Variants in SERPINB7 observed in about 807,000 individuals in gnomAD.
The protein encoded by SERPINB7 is serpin family B member 7, also known as serpin B7.
A neutral mutation model predicts 37.4 loss-of-function variants in SERPINB7; 31 were observed. The observed-to-expected ratio is 0.83, with a 90% confidence interval of 0.62 to 1.12. The LOEUF (loss-of-function observed/expected upper bound fraction) is 1.12. Ranked by LOEUF, SERPINB7 falls within the 50% of genes most tolerant of loss-of-function variation. SERPINB7 has a pLI of 0.00. For missense variants in SERPINB7, 521 were observed against 455.3 expected, an observed-to-expected ratio of 1.14 and a Z score of -1.31; for synonymous variants, 163 against 166.1, an observed-to-expected ratio of 0.98 and a Z score of 0.14.
intron 2 of SERPINB7, among the ~76,000 whole-genome samples, chr18:63,785,314 T>C (rs981077215): frequency 6.6e-6 from 1 of 152,220 alleles, no homozygotes; most frequent in Admixed American, 6.5e-5. Flanking sequence ...TCCATCTGTG[T>C]GTCTCTTTTA....
At chr18:63,765,954 A>G (rs2049178532) in intron 1 of SERPINB7, among the ~76,000 whole-genome samples, 1 of 152,142 alleles carries the variant, frequency 6.6e-6, no homozygotes, top group African/African-American at 2.4e-5. Flanking sequence ...TAGTGGCTCA[A>G]GGCTATCAGG....
In SERPINB7 at chr18:63,804,779, C is replaced by A; in HGVS notation, c.*144C>A. 2.6e-6 allele frequency: 2 copies of A among 781,836 alleles called. No individual in the cohort carries two copies. The highest frequency in any genetic ancestry group is 4.0e-6 in the Non-Finnish European group (2 of 500,610). 48.4% of individuals were successfully genotyped at this position (781,836 alleles called of 1,614,324 possible). On this transcript the variant is annotated 3_prime_UTR_variant, in exon 8 of 8. Transcript: ENST00000398019. The stretch of plus-strand genomic sequence containing the variant: ...ATTGGTCAGCAGATGACACTGGTGA[C>A]TTGACCCTTCCTAGACACCTGGTTG...
intron 4 of SERPINB7, among the ~76,000 whole-genome samples, chr18:63,794,266 T>C (rs556282626): frequency 6.6e-6 from 1 of 151,166 alleles, no homozygotes; most frequent in South Asian, 2.1e-4. Flanking sequence ...CTGGCCTGAG[T>C]TTCTTGGAAG....
intron 7 of SERPINB7, among the ~76,000 whole-genome samples, chr18:63,803,171 T>C (rs2049567970): frequency 6.6e-6 from 1 of 152,086 alleles, no homozygotes. Flanking sequence ...CTACATACTA[T>C]ACAATCTTAA....
intron 5 of SERPINB7, among the ~76,000 whole-genome samples, chr18:63,798,281 G>A (rs1297143292): frequency 6.6e-6 from 1 of 152,114 alleles, no homozygotes; most frequent in Non-Finnish European, 1.5e-5. Context: ...AGGGACCCTG[G>A]GGTTGTCTCC....
upstream of SERPINB7, among the ~76,000 whole-genome samples, chr18:63,772,078 C>T (rs1354688705): frequency 2.0e-5 from 3 of 151,614 alleles, no homozygotes; most frequent in East Asian, 1.9e-4. Flanking sequence ...AGGTAATAAG[C>T]GTACACTTGA....
At chr18:63,765,157 CT>C (rs1230452278) in intron 1 of SERPINB7, among the ~76,000 whole-genome samples, 2 of 152,132 alleles carry the variant, frequency 1.3e-5, no homozygotes, top group African/African-American at 4.8e-5. Context: ...GCACCTCAAA[CT>C]TAAGTCCCCA....
chr18:63,773,073 T>C (rs984858745), upstream of SERPINB7, among the ~76,000 whole-genome samples: 1 of 152,068 alleles, frequency 6.6e-6, no homozygotes, highest in Non-Finnish European at 1.5e-5. Context: ...TGAATTCCTT[T>C]GTGTCCTGCC....
intron 1 of SERPINB7, among the ~76,000 whole-genome samples, chr18:63,776,612 G>A (rs552083416): frequency 1.1e-4 from 16 of 149,804 alleles, no homozygotes; most frequent in Non-Finnish European, 2.1e-4. Context: ...CCATGTCCTG[G>A]TATGAAGCAT....
At position 63,792,422 on chromosome 18, in the gene SERPINB7, T is replaced by A; in HGVS notation, c.198T>A (p.Tyr66Ter). The A allele has an allele frequency of 6.2e-7, 1 of 1,603,820 alleles. No homozygotes were observed. Among genetic ancestry groups the A allele is most frequent in the Non-Finnish European group, 8.5e-7 (1 of 1,170,746 alleles). The change falls in exon 3 of 8, where the codon TAT becomes TAA. Residue 66 changes from tyrosine (Y) to a stop codon, truncating the protein, a stop_gained. Transcript: ENST00000398019. LOFTEE classifies it high-confidence loss of function. The stretch of plus-strand genomic sequence containing the variant: ...TTCATGTTAACACTGCCTCAGGATA[T>A]GGAAACTCTTCTAATAGTCAGGTAA... ...KLLHVNTASGYGNSSNSQSGL... is the reference protein window; with the variant it reads ...KLLHVNTASG
intron 1 of SERPINB7, among the ~76,000 whole-genome samples, chr18:63,765,154 A>C (rs1485028255): frequency 6.6e-6 from 1 of 152,148 alleles, no homozygotes; most frequent in Non-Finnish European, 1.5e-5. Context: ...TAAGCACCTC[A>C]AACTTAAGTC....
Position 63,798,597 on chromosome 18 carries a change from TCAAAA to T in SERPINB7, c.455-6_455-2del. The T allele has an allele frequency of 6.5e-7, 1 of 1,542,884 alleles. No homozygotes were observed. The highest frequency in any genetic ancestry group is 2.2e-5 in the Admixed American group (1 of 45,534). The stretch of plus-strand genomic sequence containing the variant: ...AAACATTTTTCCCTCAATTTTTTTT[TCAAAA>T]GGCAAAATCAAGAACGTGATTGGTG... On this transcript the variant is annotated splice_acceptor_variant and splice_polypyrimidine_tract_variant and intron_variant, in intron 5 of 7. Transcript: ENST00000398019. LOFTEE classifies it high-confidence loss of function.
At chr18:63,782,242 T>A in intron 1 of SERPINB7, 113 bp from the exon 2 acceptor site, 1 of 677,696 alleles carries the variant, frequency 1.5e-6, no homozygotes, top group Non-Finnish European at 2.1e-6. Flanking sequence ...GATGATTACC[T>A]CCAAGGCTGA....
intron 1 of SERPINB7, among the ~76,000 whole-genome samples, chr18:63,766,516 C>T (rs1444205668): frequency 6.6e-6 from 1 of 151,998 alleles, no homozygotes; most frequent in Non-Finnish European, 1.5e-5. Flanking sequence ...TGGCATAGCA[C>T]TTCCTGAACT....
intron 1 of SERPINB7, among the ~76,000 whole-genome samples, chr18:63,781,360 C>T (rs931997813): frequency 2.6e-5 from 4 of 152,246 alleles, no homozygotes; most frequent in African/African-American, 7.2e-5. Context: ...TGACCCAGTT[C>T]ACACAACTAT....
At chr18:63,786,629 A>C (rs1294456318) in intron 2 of SERPINB7, among the ~76,000 whole-genome samples, 2 of 152,080 alleles carry the variant, frequency 1.3e-5, no homozygotes, top group Non-Finnish European at 2.9e-5. Context: ...TTTTTTTAAA[A>C]AAAATCCTTA....
chr18:63,764,205 C>T (rs1206659983), intron 1 of SERPINB7, among the ~76,000 whole-genome samples: 1 of 152,082 alleles, frequency 6.6e-6, no homozygotes, highest in African/African-American at 2.4e-5. Flanking sequence ...GCCGTGGTTC[C>T]CAATATCTTG....
chr18:63,779,479 A>G (rs1283596973), intron 1 of SERPINB7, among the ~76,000 whole-genome samples: 1 of 152,160 alleles, frequency 6.6e-6, no homozygotes, highest in Non-Finnish European at 1.5e-5. Context: ...GTGAAATGGA[A>G]CATACTTTTT....
At position 63,782,543 on chromosome 18, in the gene SERPINB7, C is replaced by T; in HGVS notation, c.168+3C>T. Reference sequence around the variant, plus strand: ...ACTCCCTCTCTCAGATTGATAAGGTCAGTCTCAGCTTTTGCAGTTAATCAC... The same window carrying T: ...ACTCCCTCTCTCAGATTGATAAGGTTAGTCTCAGCTTTTGCAGTTAATCAC... On this transcript the variant is annotated splice_donor_region_variant and intron_variant, in intron 2 of 7. Coordinates refer to ENST00000398019, the MANE Select transcript of SERPINB7 (RefSeq NM_003784.4). 1 of 1,607,214 alleles carries T rather than the reference C, an allele frequency of 6.2e-7. No homozygotes were observed. Among genetic ancestry groups the T allele is most frequent in the Non-Finnish European group, 8.5e-7 (1 of 1,176,750 alleles).
Sources: allele counts gnomAD v4.1 joint callset (sites outside exome capture counted in the v4.1 genomes callset), GRCh38; gene constraint gnomAD v4.1.1; transcripts MANE v1.5; gene names NCBI Gene and HGNC (gene_info 2026-07-23, HGNC 2026-07-21).